Variants in COL22A1 observed in about 807,000 individuals in gnomAD.
The protein encoded by COL22A1 is collagen alpha-1(XXII) chain.
A neutral mutation model predicts 248.9 loss-of-function variants in COL22A1; 221 were observed. That is an observed-to-expected ratio of 0.89 (90% CI 0.80 to 0.99). COL22A1 has a LOEUF of 0.99. Ranked by LOEUF, COL22A1 falls within the 50% of genes least tolerant of loss-of-function variation. The probability of loss-of-function intolerance (pLI) is 0.00; values close to 1 mark genes in which losing one functional copy is unlikely to be tolerated. For missense variants in COL22A1, 2,240 were observed against 2,179.0 expected (o/e 1.03, Z -0.56); for synonymous variants, 891 against 793.4 (o/e 1.12, Z -2.07).
At chr8:138,600,135 G>C (rs548891588) in intron 60 of COL22A1, among the ~76,000 whole-genome samples, 2 of 152,304 alleles carry the variant, frequency 1.3e-5, no homozygotes, top group Admixed American at 1.3e-4. Context: ...CAATGATTTG[G>C]GAACTATGGC....
chr8:138,598,619 C>T (rs1054918851), intron 61 of COL22A1, 100 bp downstream of exon 61: 1 of 1,165,686 alleles, frequency 8.6e-7, no homozygotes, highest in African/African-American at 1.5e-5. Flanking sequence ...CACTAGAAGA[C>T]TGGGATCTGT....
chr8:138,878,045 G>T lies in COL22A1; in HGVS notation c.363C>A (p.Leu121=). ...AGAAGCTGCGGGCCGTGATGTAGCG[G>T]AGCGCGTCTCCCGTGTTGGTGTTGC... ...HGGNTNTGDA[L]RYITARSFSP... Residue 121 remains leucine (L), a synonymous_variant, in exon 3 of 65, where the codon CTC becomes CTA. Coordinates refer to ENST00000303045, the MANE Select transcript of COL22A1 (RefSeq NM_152888.3). The T allele has an allele frequency of 1.9e-6, 3 of 1,593,258 alleles. No homozygotes were observed. The highest frequency in any genetic ancestry group is 2.6e-6 in the Non-Finnish European group (3 of 1,170,452).
intron 31 of COL22A1, among the ~76,000 whole-genome samples, chr8:138,701,719 G>A (rs1827990508): frequency 2.0e-5 from 3 of 152,202 alleles, no homozygotes; most frequent in Admixed American, 2.0e-4. Context: ...AAAATTGGAG[G>A]ACACAGAAGT....
At chr8:138,704,548 C>T (rs1398669593) in intron 30 of COL22A1, among the ~76,000 whole-genome samples, 1 of 152,112 alleles carries the variant, frequency 6.6e-6, no homozygotes, top group East Asian at 1.9e-4. Context: ...CTTCAACAGA[C>T]CTGCAGCTGA....
At chr8:138,641,795 G>C (rs1435762607) in intron 47 of COL22A1, among the ~76,000 whole-genome samples, 1 of 152,202 alleles carries the variant, frequency 6.6e-6, no homozygotes, top group African/African-American at 2.4e-5. Context: ...GGTTATGAAA[G>C]GATGCTGACA....
At position 138,888,812 on chromosome 8, in the gene COL22A1, C is replaced by A. The variant is rs1453069479; in HGVS notation, c.-72-5568G>T. 2.0e-5 allele frequency among the ~76,000 whole-genome samples: 3 copies of A among 152,164 alleles called. No homozygotes were observed. In the East Asian group the frequency reaches 5.8e-4, roughly 29 times the overall value. On this transcript the variant is annotated intron_variant, in intron 1 of 64. Transcript: ENST00000303045. Reference sequence around the variant, plus strand: ...CTCATGCTTCACAGCTGTATGGAGACAAGGACTTGTCGGACTTGTCCATTC... The same window carrying A: ...CTCATGCTTCACAGCTGTATGGAGAAAAGGACTTGTCGGACTTGTCCATTC...
chr8:138,707,811 T>C (rs1033858343), intron 30 of COL22A1, among the ~76,000 whole-genome samples: 3 of 152,052 alleles, frequency 2.0e-5, no homozygotes, highest in African/African-American at 7.2e-5. Context: ...AAAAGAAATA[T>C]AGGGTATTCA....
Position 138,588,334 on chromosome 8 carries a change from C to A in COL22A1, c.*919G>T, listed in dbSNP as rs538505037. ...CCATTTATTTCAGAGACAGAGCCGC[C>A]TTGGAGATACAAATTTCCCAGCTCT... On this transcript the variant is annotated 3_prime_UTR_variant, in exon 65 of 65. Coordinates refer to ENST00000303045, the MANE Select transcript of COL22A1 (RefSeq NM_152888.3). The A allele has an allele frequency of 6.6e-6, 1 of 152,330 alleles. No homozygotes were observed. Among genetic ancestry groups the A allele is most frequent in the East Asian group, 1.9e-4 (1 of 5,180 alleles). The allele number at this position is 152,330 out of a possible 1,614,324, so 9.4% of individuals were successfully genotyped here. A position where few individuals can be genotyped will look rare whatever the true frequency, so the allele number is the denominator to read the frequency against.
At chr8:138,881,683 T>C (rs1420636411) in intron 2 of COL22A1, among the ~76,000 whole-genome samples, 3 of 152,212 alleles carry the variant, frequency 2.0e-5, no homozygotes, top group African/African-American at 7.2e-5. Context: ...AGACTCCGTC[T>C]CTAAAAAGAA....
intron 16 of COL22A1, among the ~76,000 whole-genome samples, chr8:138,764,375 C>T (rs1344133814): frequency 6.6e-6 from 1 of 152,198 alleles, no homozygotes; most frequent in East Asian, 1.9e-4. Context: ...CTGAGGCTTC[C>T]TACTGCCCAG....
chr8:138,631,767 CA>C (rs1282905405), intron 49 of COL22A1, among the ~76,000 whole-genome samples: 1 of 152,110 alleles, frequency 6.6e-6, no homozygotes, highest in African/African-American at 2.4e-5. Context: ...TTCTGCCTAC[CA>C]GACCCAAAAC....
chr8:138,898,225 C>T (rs1171904611), intron 1 of COL22A1, among the ~76,000 whole-genome samples: 1 of 152,200 alleles, frequency 6.6e-6, no homozygotes, highest in Non-Finnish European at 1.5e-5. Flanking sequence ...GCCTCTGCTT[C>T]ATCTGGGTGT....
At chr8:138,859,406 G>A (rs745849296) in intron 3 of COL22A1, among the ~76,000 whole-genome samples, 13 of 152,320 alleles carry the variant, frequency 8.5e-5, no homozygotes, top group Admixed American at 2.6e-4. Context: ...CGGACAGAAC[G>A]GGATATGGCT....
chr8:138,767,568 T>C (rs1427852735), intron 16 of COL22A1, among the ~76,000 whole-genome samples: 3 of 152,202 alleles, frequency 2.0e-5, no homozygotes, highest in African/African-American at 7.2e-5. Context: ...TGTAAGCTTA[T>C]GCAAACGAAA....
intron 1 of COL22A1, among the ~76,000 whole-genome samples, chr8:138,896,449 G>A (rs1825419970): frequency 6.6e-6 from 1 of 152,036 alleles, no homozygotes; most frequent in Non-Finnish European, 1.5e-5. Context: ...ATGCATTGCA[G>A]TACCTAGAAG....
chr8:138,672,307 G>A (rs942211330), intron 41 of COL22A1, among the ~76,000 whole-genome samples: 4 of 152,216 alleles, frequency 2.6e-5, no homozygotes. Context: ...TAGACATGGA[G>A]GCCTTTGCTC....
chr8:138,742,729 GGTA>G (rs1350125685), intron 22 of COL22A1, among the ~76,000 whole-genome samples: 1 of 150,098 alleles, frequency 6.7e-6, no homozygotes, highest in Non-Finnish European at 1.5e-5. Flanking sequence ...TGATGATGAT[GGTA>G]GTAGTGATTG....
At chr8:138,787,443 AGAT>A (rs1251461533) in intron 12 of COL22A1, among the ~76,000 whole-genome samples, 1 of 152,166 alleles carries the variant, frequency 6.6e-6, no homozygotes, top group African/African-American at 2.4e-5. Context: ...CCTGGAAGGG[AGAT>A]GACACAAGGA....
At chr8:138,604,154 C>G (rs1818255510) in intron 59 of COL22A1, among the ~76,000 whole-genome samples, 1 of 152,138 alleles carries the variant, frequency 6.6e-6, no homozygotes, top group Admixed American at 6.5e-5. Context: ...GTCTCAGGAG[C>G]TAAGAGGCCA....
Sources: allele counts gnomAD v4.1 joint callset (sites outside exome capture counted in the v4.1 genomes callset), GRCh38; gene constraint gnomAD v4.1.1; transcripts MANE v1.5; gene names NCBI Gene and HGNC (gene_info 2026-07-23, HGNC 2026-07-21).